EZH1: variants seen among roughly 807,000 people sequenced by gnomAD.
EZH1 encodes the protein enhancer of zeste 1 polycomb repressive complex 2 subunit, also known as histone-lysine N-methyltransferase EZH1.
EZH1 carries 33 observed loss-of-function variants against 100.5 expected under a neutral mutation model. The ratio of observed to expected loss-of-function variants is 0.33; its 90% CI spans 0.25 to 0.44. The LOEUF is 0.44. EZH1 is among the 20% of genes least tolerant of loss of function. The probability of loss-of-function intolerance (pLI) is 1.00; values close to 1 mark genes in which losing one functional copy is unlikely to be tolerated. For synonymous variants in EZH1, 272 were observed against 313.8 expected, an observed-to-expected ratio of 0.87 and a Z score of 1.41; for missense variants, 475 against 928.4, an observed-to-expected ratio of 0.51 and a Z score of 6.35.
In EZH1 at chr17:42,727,708, T is replaced by C; in HGVS notation, c.173A>G (p.Glu58Gly). 1 of 1,608,374 alleles carries C rather than the reference T, an allele frequency of 6.2e-7. No individual in the cohort carries two copies. The highest frequency in any genetic ancestry group is 8.5e-7 in the Non-Finnish European group (1 of 1,178,322). ...TTGGACACGAAGCTTCTTCCATTCTTCATTGAGGATCTGGGTTTTTTCTTG... is the reference window on the plus strand; with the variant it reads ...TTGGACACGAAGCTTCTTCCATTCTCCATTGAGGATCTGGGTTTTTTCTTG... ...KVQEKTQILN[E>G]EWKKLRVQPV... The change falls in exon 4 of 21, where the codon GAA becomes GGA. Residue 58 changes from glutamate (E) to glycine (G), a missense_variant. Physicochemically the swap from Glu to Gly is moderately conservative, Grantham distance 98 (BLOSUM62 -2). This residue lies in a region of EZH1 where 105 missense variants were observed against 129.8 expected (regional missense o/e 0.81). Coordinates refer to ENST00000428826, the MANE Select transcript of EZH1 (RefSeq NM_001991.5).
intron 12 of EZH1, 56 bp downstream of exon 12, chr17:42,712,233 G>A (rs957724827): frequency 1.3e-6 from 2 of 1,565,716 alleles, no homozygotes; most frequent in Admixed American, 1.7e-5. Flanking sequence ...CAAAGGGCTG[G>A]ACAGAGCAAT....
At chr17:42,710,079 C>T (rs1022728461) in intron 12 of EZH1, 142 bp from the exon 13 acceptor site, 15 of 663,900 alleles carry the variant, frequency 2.3e-5, no homozygotes, top group African/African-American at 1.8e-4. Context: ...AGACAGAGTG[C>T]CACTGGAACA....
intron 10 of EZH1, among the ~76,000 whole-genome samples, chr17:42,717,627 T>C (rs1316358184): frequency 6.6e-6 from 1 of 152,204 alleles, no homozygotes; most frequent in Non-Finnish European, 1.5e-5. Context: ...CATAGTTATA[T>C]GCATTTATAA....
chr17:42,704,266 C>T (rs1309864710), intron 18 of EZH1, among the ~76,000 whole-genome samples: 1 of 151,992 alleles, frequency 6.6e-6, no homozygotes, highest in African/African-American at 2.4e-5. Context: ...GGGCCAAGTG[C>T]GGTGGCTTAC....
At chr17:42,734,271 C>G (rs2143863268) in intron 1 of EZH1, among the ~76,000 whole-genome samples, 1 of 152,112 alleles carries the variant, frequency 6.6e-6, no homozygotes, top group East Asian at 1.9e-4. Flanking sequence ...AACTCCTGGC[C>G]TCAAGTGATC....
At chr17:42,708,961 G>C (rs770220540) in intron 13 of EZH1, 45 bp from the exon 14 acceptor site, 47 of 1,611,550 alleles carry the variant, frequency 2.9e-5, no homozygotes, top group Non-Finnish European at 3.7e-5. Flanking sequence ...GCCCTAGGGA[G>C]CTCTGCAAAT....
chr17:42,705,087 C>A lies in EZH1; in HGVS notation c.1935+1G>T. On this transcript the variant is annotated splice_donor_variant, in intron 17 of 20. Transcript: ENST00000428826. LOFTEE classifies it high-confidence loss of function. ...ATGTGGGCCAAAACTATAGCACTCA[C>A]CTCACCACAGTATTCAGAAATGAAT... 1 of 1,612,688 alleles carries A rather than the reference C, an allele frequency of 6.2e-7. No individual in the cohort carries two copies.
chr17:42,724,208 A>G (rs1441930624), intron 5 of EZH1, 97 bp downstream of exon 5: 6 of 1,430,218 alleles, frequency 4.2e-6, no homozygotes, highest in Non-Finnish European at 5.8e-6. Context: ...TAGCTGTGTT[A>G]ATTACTGGAC....
Position 42,702,356 on chromosome 17 carries a change from C to G in EZH1, c.*176G>C, listed in dbSNP as rs537872882. ...AGCCCTAGCTGCCTCTGTCTCCCCT[C>G]TCATTGAGACAGTTTTGTGCCCTCT... On this transcript the variant is annotated 3_prime_UTR_variant, in exon 21 of 21. Transcript: ENST00000428826. 8 of 507,574 alleles carry G rather than the reference C, an allele frequency of 1.6e-5. No individual in the cohort carries two copies. In the East Asian group the frequency reaches 2.4e-4, roughly 15 times the overall value. 31.4% of individuals were successfully genotyped at this position (507,574 alleles called of 1,614,324 possible).
Position 42,708,023 on chromosome 17 carries a change from T to C in EZH1, c.1595A>G (p.Asp532Gly). The C allele has an allele frequency of 6.2e-7, 1 of 1,611,720 alleles. No homozygotes were observed. Among genetic ancestry groups the C allele is most frequent in the Non-Finnish European group, 8.5e-7 (1 of 1,179,302 alleles). Reference protein sequence around the residue: ...QPCDHPDRPCDSTCPCIMTQN... With the variant: ...QPCDHPDRPCGSTCPCIMTQN... ...AGTCATGATGCAGGGGCAGGTGCTG[T>C]CACAGGGGCGGTCTGGGTGGTCGCA... The change falls in exon 15 of 21, where the codon GAC (aspartate) becomes GGC (glycine). Residue 532 changes from aspartate (D) to glycine (G), a missense_variant. Asp to Gly is a moderately conservative substitution (Grantham distance 94). Transcript: ENST00000428826.
At chr17:42,720,814 C>A (rs2053691790) in intron 6 of EZH1, among the ~76,000 whole-genome samples, 1 of 152,112 alleles carries the variant, frequency 6.6e-6, no homozygotes, top group Non-Finnish European at 1.5e-5. Context: ...TGTGCCACCA[C>A]CCTGGCTAAT....
chr17:42,724,292 T>G lies in EZH1; in HGVS notation c.366+13A>C. ...ACAGTTTAAATAACCACCACAGTGC[T>G]TTCAATACATACCATAAAGTTCTGT... On this transcript the variant is annotated intron_variant, in intron 5 of 20. Transcript: ENST00000428826. The G allele has an allele frequency of 6.2e-7, 1 of 1,613,384 alleles. No homozygotes were observed. Among genetic ancestry groups the G allele is most frequent in the Non-Finnish European group, 8.5e-7 (1 of 1,179,552 alleles).
rs1037298103 is a variant in EZH1 at position 42,717,250 on chromosome 17, T to A, written c.1023+726A>T. On this transcript the variant is annotated intron_variant, in intron 10 of 20. Transcript: ENST00000428826. Reference sequence around the variant, plus strand: ...AAAAAATAAACCCAATAACGTCTATTCTTTTGCTTTTACAGTACGGCCCAT... The same window carrying A: ...AAAAAATAAACCCAATAACGTCTATACTTTTGCTTTTACAGTACGGCCCAT... 2.6e-5 allele frequency among the ~76,000 whole-genome samples: 4 copies of A among 152,184 alleles called. No homozygotes were observed. In the East Asian group the frequency reaches 5.8e-4, roughly 22 times the overall value.
rs866623552 is a variant in EZH1 at position 42,702,555 on chromosome 17, C to A, written c.2221G>T (p.Glu741Ter). The part of the protein sequence containing the change: ...QADALKYVGI[E>*]RETDVL ...GGCTAAAGGACGTCGGTCTCCCTCTCGATCCCCACGTACTTGAGAGCATCA... is the reference window on the plus strand; with the variant it reads ...GGCTAAAGGACGTCGGTCTCCCTCTAGATCCCCACGTACTTGAGAGCATCA... The change falls in exon 21 of 21, where the codon GAG (glutamate) becomes TAG (stop). Residue 741 changes from glutamate to a stop codon, truncating the protein, a stop_gained. Transcript: ENST00000428826. LOFTEE classifies it high-confidence loss of function. 1 of 1,566,530 alleles carries A rather than the reference C, an allele frequency of 6.4e-7. No homozygotes were observed.
rs115394874 is a variant in EZH1 at position 42,708,949 on chromosome 17, C to T, written c.1494-33G>A. 636 of 1,613,974 alleles carry T rather than the reference C, an allele frequency of 3.9e-4. No individual in the cohort carries two copies. The African/African-American group carries it at 7.2e-3, about 18-fold the overall frequency. ...AGACAGGAAGGACAGGTCTCAGTCA[C>T]GGCCCTAGGGAGCTCTGCAAATGCA... On this transcript the variant is annotated intron_variant, in intron 13 of 20. Coordinates refer to ENST00000428826, the MANE Select transcript of EZH1 (RefSeq NM_001991.5).
intron 1 of EZH1, among the ~76,000 whole-genome samples, chr17:42,732,437 A>G (rs2053968882): frequency 6.6e-6 from 1 of 152,038 alleles, no homozygotes; most frequent in Non-Finnish European, 1.5e-5. Flanking sequence ...GTTTGATACA[A>G]GCCTGGGTAA....
At chr17:42,737,528 G>A (rs776599721) in intron 1 of EZH1, among the ~76,000 whole-genome samples, 6 of 152,156 alleles carry the variant, frequency 3.9e-5, no homozygotes, top group Non-Finnish European at 7.3e-5. Context: ...GATGGAGCCT[G>A]CACGATCAAG....
At chr17:42,704,746 G>T in intron 17 of EZH1, 63 bp from the exon 18 acceptor site, 1 of 1,380,846 alleles carries the variant, frequency 7.2e-7, no homozygotes, top group Non-Finnish European at 1.0e-6. Flanking sequence ...ATGGTACCCT[G>T]CCCCCAGAAA....
intron 1 of EZH1, among the ~76,000 whole-genome samples, chr17:42,743,406 A>G (rs888310699): frequency 1.9e-4 from 29 of 150,404 alleles, no homozygotes; most frequent in African/African-American, 6.6e-4. Flanking sequence ...CCTGGGCTCG[A>G]GTGAACGGTC....
Sources: allele counts gnomAD v4.1 joint callset (sites outside exome capture counted in the v4.1 genomes callset), GRCh38; gene constraint gnomAD v4.1.1; regional missense constraint gnomAD v4.1.1; transcripts MANE v1.5; gene names NCBI Gene and HGNC (gene_info 2026-07-23, HGNC 2026-07-21).